The following SNAP25 variants were observed in gnomAD, a reference collection of about 807,000 sequenced individuals.
SNAP25 encodes synaptosomal-associated protein 25.
Under a neutral mutation model 28.7 loss-of-function variants are expected in SNAP25, and 3 were observed. The observed-to-expected ratio is 0.10, with a 90% CI of 0.05 to 0.27. The LOEUF is 0.27. SNAP25 is among the 10% of genes least tolerant of loss of function. The pLI, the probability that SNAP25 is intolerant of heterozygous loss-of-function variation, is 1.00. For missense variants in SNAP25, 117 were observed against 278.7 expected, an observed-to-expected ratio of 0.42 and a Z score of 4.13; for synonymous variants, 61 against 88.1, an observed-to-expected ratio of 0.69 and a Z score of 1.72.
At chr20:10,268,686 T>A (rs1351130315) in intron 1 of SNAP25, among the ~76,000 whole-genome samples, 1 of 152,196 alleles carries the variant, frequency 6.6e-6, no homozygotes, top group Non-Finnish European at 1.5e-5. Context: ...GTAAGCCCCT[T>A]GACAGGGAAG....
At chr20:10,292,200 C>T (rs1344155469) in intron 4 of SNAP25, among the ~76,000 whole-genome samples, 2 of 152,206 alleles carry the variant, frequency 1.3e-5, no homozygotes, top group Non-Finnish European at 2.9e-5. Flanking sequence ...CCTTCCAAAA[C>T]ATTCATAGCA....
chr20:10,241,763 T>C (rs2122740478), intron 1 of SNAP25, among the ~76,000 whole-genome samples: 1 of 152,142 alleles, frequency 6.6e-6, no homozygotes. Context: ...GCTGATGCTG[T>C]TGGAGAGAAG....
intron 4 of SNAP25, among the ~76,000 whole-genome samples, chr20:10,286,168 T>C (rs1484759273): frequency 6.6e-6 from 1 of 152,046 alleles, no homozygotes; most frequent in Non-Finnish European, 1.5e-5. Flanking sequence ...ACCCAATTAA[T>C]TGTGGTACGG....
At position 10,256,742 on chromosome 20, in the gene SNAP25, G is replaced by A. The variant is rs545377403; in HGVS notation, c.-63-18687G>A. Among the ~76,000 whole-genome samples the A allele has an allele frequency of 2.0e-3, 308 of 152,238 alleles. 3 individuals are homozygous for A. Among genetic ancestry groups the A allele is most frequent in the African/African-American group, 7.0e-3 (289 of 41,548 alleles). ...TACAATGGCAAAAAGAAAGGGAATG[G>A]AAAGGAAAGGAAAGGCTGGGGAAGG... On this transcript the variant is annotated intron_variant, in intron 1 of 7. Transcript: ENST00000254976.
intron 1 of SNAP25, among the ~76,000 whole-genome samples, chr20:10,249,953 T>C (rs183737420): frequency 3.3e-5 from 5 of 152,224 alleles, no homozygotes; most frequent in Admixed American, 3.3e-4. Context: ...AAAACATAAA[T>C]TCCTGGGCCA....
chr20:10,280,424 A>G (rs139563859), intron 3 of SNAP25, among the ~76,000 whole-genome samples: 2 of 152,236 alleles, frequency 1.3e-5, no homozygotes, highest in African/African-American at 4.8e-5. Flanking sequence ...GCATTTCAAC[A>G]AATATTCACA....
chr20:10,282,814 A>T (rs1377926142), intron 3 of SNAP25, among the ~76,000 whole-genome samples: 2 of 152,232 alleles, frequency 1.3e-5, no homozygotes, highest in African/African-American at 4.8e-5. Flanking sequence ...TTCATCTCAC[A>T]AGAAATGGAG....
chr20:10,254,434 C>A (rs144802841), intron 1 of SNAP25, among the ~76,000 whole-genome samples: 2 of 152,300 alleles, frequency 1.3e-5, no homozygotes, highest in Non-Finnish European at 1.5e-5. Context: ...TGATCTCCCC[C>A]CAGAGCATTC....
chr20:10,268,995 A>G (rs2063549931), intron 1 of SNAP25, among the ~76,000 whole-genome samples: 1 of 107,814 alleles, frequency 9.3e-6, no homozygotes, highest in African/African-American at 4.3e-5. Context: ...AGGGCACCCT[A>G]TAACCTTGCA....
intron 2 of SNAP25, 126 bp from the exon 3 acceptor site, chr20:10,277,559 C>G (rs1276359409): frequency 5.3e-6 from 4 of 752,552 alleles, no homozygotes; most frequent in Non-Finnish European, 6.4e-6. Context: ...GTTTCACTTG[C>G]CAACTGAAAA....
chr20:10,240,856 G>A (rs561842364), intron 1 of SNAP25, among the ~76,000 whole-genome samples: 4 of 152,302 alleles, frequency 2.6e-5, no homozygotes, highest in African/African-American at 9.6e-5. Context: ...GGGGGCTCTG[G>A]AGCATTCAGT....
chr20:10,231,637 A>G (rs1234993809), intron 1 of SNAP25: 2 of 152,192 alleles, frequency 1.3e-5, no homozygotes, highest in Non-Finnish European at 2.9e-5. Flanking sequence ...ACAGGGTAGG[A>G]ACATTCTCAT....
chr20:10,242,132 G>A (rs1433375074), intron 1 of SNAP25, among the ~76,000 whole-genome samples: 2 of 152,176 alleles, frequency 1.3e-5, no homozygotes, highest in African/African-American at 4.8e-5. Context: ...CTGATTCTAA[G>A]TCTGTTCCTA....
chr20:10,240,630 A>G (rs989568507), intron 1 of SNAP25, among the ~76,000 whole-genome samples: 3 of 152,136 alleles, frequency 2.0e-5, no homozygotes, highest in African/African-American at 7.2e-5. Flanking sequence ...TTCCTGCCCT[A>G]CAGAGAGCCT....
intron 1 of SNAP25, among the ~76,000 whole-genome samples, chr20:10,239,397 A>T (rs1008166178): frequency 6.6e-6 from 1 of 152,268 alleles, no homozygotes; most frequent in African/African-American, 2.4e-5. Flanking sequence ...AGGAGATACT[A>T]TATTTGGACA....
chr20:10,244,133 G>T (rs2063085371), intron 1 of SNAP25, among the ~76,000 whole-genome samples: 1 of 152,182 alleles, frequency 6.6e-6, no homozygotes, highest in African/African-American at 2.4e-5. Flanking sequence ...GACTAAGTTA[G>T]ATAATGCCTA....
chr20:10,258,144 T>C (rs1273624292), intron 1 of SNAP25, among the ~76,000 whole-genome samples: 6 of 152,200 alleles, frequency 3.9e-5, no homozygotes, highest in African/African-American at 1.4e-4. Flanking sequence ...TGTTTGTTAA[T>C]TTAGAGATCT....
chr20:10,282,451 A>C (rs371322149), intron 3 of SNAP25, among the ~76,000 whole-genome samples: 48 of 152,302 alleles, frequency 3.2e-4, no homozygotes, highest in African/African-American at 1.2e-3. Context: ...GTTCTCCCAA[A>C]CTGGGGCAAC....
chr20:10,296,998 C>T lies in SNAP25; in HGVS notation c.355C>T (p.Arg119Cys). The change falls in exon 6 of 8, where the codon CGT (arginine) becomes TGT (cysteine). Residue 119 changes from arginine (R) to cysteine (C), a missense_variant. Physicochemically the swap from Arg to Cys is radical, Grantham distance 180. Around this residue, in one of 3 missense-constraint regions of SNAP25, gnomAD observed 88 missense variants for 206.9 expected, o/e 0.43. Coordinates refer to ENST00000254976, the MANE Select transcript of SNAP25 (RefSeq NM_130811.4). ...CGGAGTGGTGGCCAGCCAGCCTGCT[C>T]GTGTAGTGGACGAACGGGAGCAGAT... ...QDGVVASQPA[R>C]VVDEREQMAI... is the part of the protein sequence containing the mutation. 1 of 1,613,188 alleles carries T rather than the reference C, an allele frequency of 6.2e-7. No homozygotes were observed. Among genetic ancestry groups the T allele is most frequent in the Non-Finnish European group, 8.5e-7 (1 of 1,179,552 alleles).
Sources: gnomAD v4.1 joint callset for allele counts (sites outside exome capture counted in the v4.1 genomes callset) on GRCh38, gnomAD v4.1.1 for gene constraint, gnomAD v4.1.1 regional missense constraint, MANE v1.5 for transcripts, NCBI Gene and HGNC (gene_info 2026-07-23, HGNC 2026-07-21) for gene names.